MARS1: variants seen among roughly 807,000 people sequenced by gnomAD.
MARS1 encodes the protein methionyl-tRNA synthetase 1.
MARS1 carries 80 observed loss-of-function variants against 119.5 expected under a neutral mutation model. The ratio of observed to expected loss-of-function variants is 0.67; its 90% confidence interval spans 0.56 to 0.81. The LOEUF (loss-of-function observed/expected upper bound fraction) is 0.81, where lower values mean the gene tolerates loss of function less well. Ranked by LOEUF, MARS1 falls within the 30% of genes least tolerant of loss-of-function variation. MARS1 has a pLI of 0.00. For synonymous variants in MARS1, 418 were observed against 433.4 expected (o/e 0.96, Z 0.44); for missense variants, 945 against 1,116.5 (o/e 0.85, Z 2.19).
rs1230612197 is a variant in MARS1, at chr12:57,493,858, T to A, written c.770+3214T>A. ...ATATTATAATATATAATATATATATTTATATTATATAATATATATAATATA... is the reference window on the plus strand; with the variant it reads ...ATATTATAATATATAATATATATATATATATTATATAATATATATAATATA... On this transcript the variant is annotated intron_variant, in intron 7 of 20. Coordinates refer to ENST00000262027, the MANE Select transcript of MARS1 (RefSeq NM_004990.4). Among the ~76,000 whole-genome samples, 187 of 4,704 alleles carry A rather than the reference T, an allele frequency of 0.04. 83 individuals carry two copies. The Non-Finnish European group carries it at 0.54, about 14-fold the overall frequency. 3.1% of individuals were successfully genotyped at this position (4,704 alleles called of 152,430 possible). A position where few individuals can be genotyped will look rare whatever the true frequency, so the allele number is the denominator to read the frequency against.
chr12:57,493,505 T>C (rs57411748), intron 7 of MARS1, among the ~76,000 whole-genome samples: 98 of 6,368 alleles, frequency 0.015, 25 homozygotes, highest in Non-Finnish European at 0.023. Context: ...TTATAATATA[T>C]AATATATAAT....
At chr12:57,495,165 G>A (rs1034126091) in intron 7 of MARS1, among the ~76,000 whole-genome samples, 52 of 150,944 alleles carry the variant, frequency 3.4e-4, no homozygotes, top group Admixed American at 7.3e-4. Flanking sequence ...GGTGGCTGCC[G>A]GGCGGGGGCT....
At chr12:57,490,493 G>A (rs1875851680) in intron 6 of MARS1, 45 bp from the exon 7 acceptor site, 4 of 1,611,482 alleles carry the variant, frequency 2.5e-6, no homozygotes, top group Non-Finnish European at 2.5e-6. Flanking sequence ...TCTTTACCCT[G>A]TGGGCCCTCC....
chr12:57,509,493 A>G (rs1475319470), intron 11 of MARS1, among the ~76,000 whole-genome samples: 1 of 152,162 alleles, frequency 6.6e-6, no homozygotes, highest in Admixed American at 6.6e-5. Context: ...TGCAACTGCC[A>G]TCTCCAGGAT....
chr12:57,511,644 T>C (rs1877520315), intron 11 of MARS1, 54 bp from the exon 12 acceptor site: 4 of 1,592,442 alleles, frequency 2.5e-6, no homozygotes, highest in East Asian at 4.5e-5. Flanking sequence ...TTTATCCTTA[T>C]GCTAACCATA....
chr12:57,508,993 C>T (rs1317931371), intron 11 of MARS1, among the ~76,000 whole-genome samples: 1 of 152,102 alleles, frequency 6.6e-6, no homozygotes, highest in Non-Finnish European at 1.5e-5. Context: ...AACTCTACCA[C>T]TACTCTCTAT....
Position 57,512,758 on chromosome 12 carries a change from GAA to G in MARS1, c.1762_1763del (p.Asn588LeufsTer2), listed in dbSNP as rs1245218108. ...VSHLIATEYL[N>X]YEDGKFSKSR... Reference sequence around the variant, plus strand: ...TCATTCTCCTCTGTCCAGAGTACCTGAACTATGAGGATGGGAAATTCTCTAAG... The same window carrying G: ...TCATTCTCCTCTGTCCAGAGTACCTGCTATGAGGATGGGAAATTCTCTAAG... On this transcript the variant is annotated frameshift_variant, in exon 15 of 21. Transcript: ENST00000262027. LOFTEE classifies it high-confidence loss of function. 1 of 1,613,898 alleles carries G rather than the reference GAA, an allele frequency of 6.2e-7. No individual in the cohort carries two copies. Among genetic ancestry groups the G allele is most frequent in the Non-Finnish European group, 8.5e-7 (1 of 1,179,802 alleles).
At chr12:57,512,571 AAAG>A (rs1460175373) in intron 14 of MARS1, 177 bp from the exon 15 acceptor site, 35 of 646,268 alleles carry the variant, frequency 5.4e-5, no homozygotes, top group Non-Finnish European at 8.6e-5. Flanking sequence ...CAAAGAGAAA[AAAG>A]GGCCAGAATG....
At position 57,490,578 on chromosome 12, in the gene MARS1, T is replaced by C. The variant is rs1386877334; in HGVS notation, c.704T>C (p.Met235Thr). ...LATLSEEEIA[M>T]AVTAWEKGLE... ...ACCCTATCTGAGGAGGAGATTGCTATGGCTGTTACTGCTTGGGAGAAGGGC... is the reference window on the plus strand; with the variant it reads ...ACCCTATCTGAGGAGGAGATTGCTACGGCTGTTACTGCTTGGGAGAAGGGC... The change falls in exon 7 of 21, where the codon ATG (methionine) becomes ACG (threonine). Residue 235 changes from methionine to threonine, a missense_variant. Physicochemically the swap from Met to Thr is moderately conservative, Grantham distance 81. Transcript: ENST00000262027. 1 of 1,614,144 alleles carries C rather than the reference T, an allele frequency of 6.2e-7. No individual in the cohort carries two copies. The highest frequency in any genetic ancestry group is 8.5e-7 in the Non-Finnish European group (1 of 1,180,032).
At position 57,498,279 on chromosome 12, in the gene MARS1, G is replaced by A. The variant is rs756152895; in HGVS notation, c.887+6G>A. 1 of 1,612,694 alleles carries A rather than the reference G, an allele frequency of 6.2e-7. No individual in the cohort carries two copies. Among genetic ancestry groups the A allele is most frequent in the South Asian group, 1.1e-5 (1 of 91,052 alleles). On this transcript the variant is annotated splice_donor_region_variant and intron_variant, in intron 8 of 20. Coordinates refer to ENST00000262027, the MANE Select transcript of MARS1 (RefSeq NM_004990.4). The stretch of plus-strand genomic sequence containing the variant: ...AGTGCCGATGTCTTTGCCAGGTGGA[G>A]CCAGCTGCTCGGGGAGAGACCTCCT...
At position 57,512,149 on chromosome 12, in the gene MARS1, G is replaced by T. The variant is rs775391515; in HGVS notation, c.1635+46G>T. 5 of 1,604,044 alleles carry T rather than the reference G, an allele frequency of 3.1e-6. No individual in the cohort carries two copies. In the Admixed American group the frequency reaches 8.3e-5, roughly 27 times the overall value. ...CTGTGCATGGGGAGGGTAGGCGGTA[G>T]GGTGTGGGTGTTAGGGTTGGGTGTC... On this transcript the variant is annotated intron_variant, in intron 13 of 20. Coordinates refer to ENST00000262027, the MANE Select transcript of MARS1 (RefSeq NM_004990.4).
Position 57,500,513 on chromosome 12 carries a change from C to G in MARS1, c.1284C>G (p.Val428=), listed in dbSNP as rs752350446. Residue 428 remains valine, a synonymous_variant, in exon 10 of 21, where the codon GTC becomes GTG. Coordinates refer to ENST00000262027, the MANE Select transcript of MARS1 (RefSeq NM_004990.4). ...AGTGTGGCAAGCTCATCAATGCTGT[C>G]GAGCTTAAGGTAAGAGGAGGGTCTC... The part of the protein sequence containing the change: ...CDKCGKLINA[V]ELKKPQCKVC... 1.2e-6 allele frequency: 2 copies of G among 1,613,976 alleles called. No homozygotes were observed. The highest frequency in any genetic ancestry group is 1.7e-6 in the Non-Finnish European group (2 of 1,179,974).
intron 15 of MARS1, among the ~76,000 whole-genome samples, chr12:57,513,888 C>A (rs572061767): frequency 6.7e-6 from 1 of 149,940 alleles, no homozygotes; most frequent in East Asian, 2.1e-4. Context: ...CCTGGTGAAA[C>A]CCCGTCTCCA....
chr12:57,488,329 C>G (rs1437199483), intron 1 of MARS1, 130 bp downstream of exon 1: 1 of 844,994 alleles, frequency 1.2e-6, no homozygotes, highest in African/African-American at 1.7e-5. Flanking sequence ...TCCTATTATC[C>G]TTGATCACTC....
intron 11 of MARS1, 66 bp from the exon 12 acceptor site, chr12:57,511,627 ATATGT>A: frequency 3.2e-6 from 5 of 1,538,698 alleles, no homozygotes; most frequent in Non-Finnish European, 4.5e-6. Flanking sequence ...CAAAAAGGTT[ATATGT>A]GTTTATCCTT....
chr12:57,488,159 G>A lies in MARS1; in HGVS notation c.69G>A (p.Arg23=). The A allele has an allele frequency of 1.2e-6, 2 of 1,614,176 alleles. No individual in the cohort carries two copies. Among genetic ancestry groups the A allele is most frequent in the South Asian group, 1.1e-5 (1 of 91,084 alleles). ...LPVLAAAGRA[R]GRAEVLISTV... ...TGCTGGCCGCCGCCGGGAGAGCCCG[G>A]GGCAGAGCAGAGGTGCTCATCAGCA... Residue 23 remains arginine, a synonymous_variant, in exon 1 of 21, where the codon CGG becomes CGA. Transcript: ENST00000262027.
Position 57,512,821 on chromosome 12 carries a change from G to A in MARS1, c.1824G>A (p.Gln608=). Residue 608 remains glutamine, a synonymous_variant, in exon 15 of 21, where the codon CAG becomes CAA. Transcript: ENST00000262027. ...RGVGVFGDMA[Q]DTGIPADIWR... ...TGGGAGTGTTTGGGGACATGGCCCAGGACACGGGGATCCCTGCTGACATCT... is the reference window on the plus strand; with the variant it reads ...TGGGAGTGTTTGGGGACATGGCCCAAGACACGGGGATCCCTGCTGACATCT... 6.2e-7 allele frequency: 1 copy of A among 1,614,220 alleles called. No homozygotes were observed. Among genetic ancestry groups the A allele is most frequent in the Middle Eastern group, 1.6e-4 (1 of 6,062 alleles).
chr12:57,508,012 C>A (rs1415032345), intron 11 of MARS1, among the ~76,000 whole-genome samples: 3 of 152,088 alleles, frequency 2.0e-5, no homozygotes, highest in African/African-American at 7.2e-5. Flanking sequence ...GCGCTCCTTA[C>A]ATCCCAGAAA....
At chr12:57,502,705 C>CAAAA (rs35515685) in intron 10 of MARS1, among the ~76,000 whole-genome samples, 1 of 48,006 alleles carries the variant, frequency 2.1e-5, no homozygotes. Flanking sequence ...GATTTTGTCT[C>CAAAA]AAAAAAAAAA....
Sources: allele counts gnomAD v4.1 joint callset (sites outside exome capture counted in the v4.1 genomes callset), GRCh38; gene constraint gnomAD v4.1.1; transcripts MANE v1.5; gene names NCBI Gene and HGNC (gene_info 2026-07-23, HGNC 2026-07-21).